The following NRXN3 variants were observed in gnomAD, a reference collection of about 807,000 sequenced individuals.
NRXN3 encodes the protein neurexin III.
A neutral mutation model predicts 137.6 loss-of-function variants in NRXN3; 32 were observed. The ratio of observed to expected loss-of-function variants is 0.23; its 90% CI spans 0.18 to 0.31. The LOEUF is 0.31. Ranked by LOEUF, NRXN3 falls within the 10% of genes least tolerant of loss-of-function variation. NRXN3 has a pLI of 1.00. For missense variants in NRXN3, 1,574 were observed against 2,062.5 expected (o/e 0.76, Z 4.59); for synonymous variants, 798 against 784.5 (o/e 1.02, Z -0.29).
chr14:79,813,034 A>G (rs2099239974), intron 20 of NRXN3, among the ~76,000 whole-genome samples: 1 of 152,200 alleles, frequency 6.6e-6, no homozygotes, highest in Admixed American at 6.5e-5. Context: ...CAAATAATAT[A>G]CTGCCTGTCA....
At chr14:78,736,799 A>ATT (rs1371635923) in intron 8 of NRXN3, among the ~76,000 whole-genome samples, 20 of 152,340 alleles carry the variant, frequency 1.3e-4, no homozygotes, top group African/African-American at 4.8e-4. Flanking sequence ...AAATAAGCAG[A>ATT]ATACAGTAAA....
chr14:79,365,433 T>C (rs528551550), intron 15 of NRXN3, among the ~76,000 whole-genome samples: 30 of 152,192 alleles, frequency 2.0e-4, no homozygotes, highest in African/African-American at 5.3e-4. Context: ...CAGAAGAGTT[T>C]TATTGGCCGG....
chr14:79,375,476 A>G (rs2094244797), intron 15 of NRXN3, among the ~76,000 whole-genome samples: 2 of 152,038 alleles, frequency 1.3e-5, no homozygotes, highest in South Asian at 4.2e-4. Flanking sequence ...TTGTTGTCTG[A>G]GACCTGAGAG....
chr14:79,316,759 T>TCA (rs1317405005), intron 15 of NRXN3, among the ~76,000 whole-genome samples: 5 of 151,852 alleles, frequency 3.3e-5, no homozygotes, highest in Non-Finnish European at 5.9e-5. Context: ...TCTCTCTCTC[T>TCA]CTCTATTGAA....
intron 16 of NRXN3, among the ~76,000 whole-genome samples, chr14:79,489,734 C>A (rs1423740308): frequency 6.6e-6 from 1 of 152,022 alleles, no homozygotes; most frequent in East Asian, 1.9e-4. Flanking sequence ...CAAATAGATA[C>A]CCCTGCAAAT....
chr14:78,342,405 G>A (rs1183506646), intron 4 of NRXN3, among the ~76,000 whole-genome samples: 2 of 152,164 alleles, frequency 1.3e-5, no homozygotes, highest in Non-Finnish European at 2.9e-5. Flanking sequence ...CTGTAATTAG[G>A]TGCCAAGATT....
chr14:79,590,319 A>C (rs1285199443), intron 16 of NRXN3, among the ~76,000 whole-genome samples: 18 of 150,190 alleles, frequency 1.2e-4, no homozygotes, highest in African/African-American at 3.9e-4. Flanking sequence ...GCTGCCATCC[A>C]TGTAAAATGT....
chr14:78,407,362 T>C (rs1751058112), intron 4 of NRXN3, among the ~76,000 whole-genome samples: 1 of 152,200 alleles, frequency 6.6e-6, no homozygotes, highest in Admixed American at 6.5e-5. Context: ...AAGCCCCCTA[T>C]CAAGGTGTTT....
intron 4 of NRXN3, among the ~76,000 whole-genome samples, chr14:78,410,014 A>T (rs946517745): frequency 4.6e-5 from 7 of 152,126 alleles, no homozygotes; most frequent in African/African-American, 1.7e-4. Context: ...CACAAAATTG[A>T]TGCAGCAGCT....
At chr14:79,220,985 C>G (rs1597425632) in intron 15 of NRXN3, among the ~76,000 whole-genome samples, 1 of 151,880 alleles carries the variant, frequency 6.6e-6, no homozygotes, top group Middle Eastern at 3.4e-3. Flanking sequence ...CTCCCACTTA[C>G]AAGTGAGAAC....
intron 3 of NRXN3, among the ~76,000 whole-genome samples, chr14:78,291,329 A>T (rs1238868419): frequency 6.6e-6 from 1 of 152,220 alleles, no homozygotes; most frequent in African/African-American, 2.4e-5. Context: ...ATTTAATGAG[A>T]TAACACATAG....
At chr14:78,357,903 A>G (rs910459633) in intron 4 of NRXN3, among the ~76,000 whole-genome samples, 3 of 152,198 alleles carry the variant, frequency 2.0e-5, no homozygotes, top group Admixed American at 6.5e-5. Context: ...TTGAGTGTGT[A>G]TGATATGACA....
chr14:78,958,386 T>G (rs779652937), intron 11 of NRXN3, among the ~76,000 whole-genome samples: 1 of 151,430 alleles, frequency 6.6e-6, no homozygotes, highest in Non-Finnish European at 1.5e-5. Flanking sequence ...AAGACAGTCT[T>G]GCTCTGTCGC....
intron 15 of NRXN3, among the ~76,000 whole-genome samples, chr14:79,457,920 A>G (rs1227651238): frequency 6.6e-6 from 1 of 152,172 alleles, no homozygotes; most frequent in African/African-American, 2.4e-5. Context: ...ATGTCATCAG[A>G]AGGAATGCAC....
chr14:79,788,927 G>C (rs993426339), intron 19 of NRXN3, among the ~76,000 whole-genome samples: 1 of 152,040 alleles, frequency 6.6e-6, no homozygotes, highest in African/African-American at 2.4e-5. Context: ...AATAGAGTTG[G>C]GTAAGGAGCA....
Position 79,581,928 on chromosome 14 carries a change from T to A in NRXN3, c.3445-81850T>A, listed in dbSNP as rs1021446588. On this transcript the variant is annotated intron_variant, in intron 16 of 20. Coordinates refer to ENST00000335750, the MANE Select transcript of NRXN3 (RefSeq NM_001330195.2). ...AAGCACCCCTCTCAGGAAGTAATTT[T>A]TTTATTTTTATTTTTGGGGAACAGG... Among the ~76,000 whole-genome samples, 31 of 152,132 alleles carry A rather than the reference T, an allele frequency of 2.0e-4. 1 individual carries two copies. Among genetic ancestry groups the A allele is most frequent in the African/African-American group, 6.8e-4 (28 of 41,420 alleles).
intron 6 of NRXN3, among the ~76,000 whole-genome samples, chr14:78,674,636 A>G (rs1235484938): frequency 6.6e-6 from 1 of 152,192 alleles, no homozygotes; most frequent in African/African-American, 2.4e-5. Context: ...TGAGTGTGGT[A>G]GGTGAAAGTT....
In NRXN3 at chr14:79,731,066, G is replaced by A. The variant is rs187252800; in HGVS notation, c.4014+33129G>A. 2.8e-3 allele frequency among the ~76,000 whole-genome samples: 425 copies of A among 152,256 alleles called. 1 individual carries two copies. Among genetic ancestry groups the A allele is most frequent in the African/African-American group, 9.3e-3 (385 of 41,542 alleles). On this transcript the variant is annotated intron_variant, in intron 19 of 20. Coordinates refer to ENST00000335750, the MANE Select transcript of NRXN3 (RefSeq NM_001330195.2). The stretch of plus-strand genomic sequence containing the variant: ...TCTCCCTATTACAGGAAGACACTGC[G>A]GGTTGCTAAGGAGTGTGGTTTCTGT...
At chr14:78,173,970 A>T (rs1367070377) in intron 1 of NRXN3, among the ~76,000 whole-genome samples, 1 of 151,706 alleles carries the variant, frequency 6.6e-6, no homozygotes, top group Non-Finnish European at 1.5e-5. Context: ...GTCACGTTAG[A>T]GCCTCTTTTC....
Sources: allele counts gnomAD v4.1 joint callset (sites outside exome capture counted in the v4.1 genomes callset), GRCh38; gene constraint gnomAD v4.1.1; transcripts MANE v1.5; gene names NCBI Gene and HGNC (gene_info 2026-07-23, HGNC 2026-07-21).